The following RALYL variants were observed in gnomAD, a reference collection of about 807,000 sequenced individuals.
The protein encoded by RALYL is RNA-binding Raly-like protein.
In RALYL, 29 loss-of-function variants were observed where a neutral mutation model predicts 35.1. The observed-to-expected ratio is 0.83, with a 90% CI of 0.61 to 1.13. The LOEUF is 1.13. Among genes scored for constraint, RALYL ranks in the 50% most tolerant of loss-of-function variants. The pLI, the probability that RALYL is intolerant of heterozygous loss-of-function variation, is 0.00. For synonymous variants in RALYL, 120 were observed against 127.6 expected (o/e 0.94, Z 0.40); for missense variants, 359 against 360.4 (o/e 1.00, Z 0.03).
At chr8:84,351,847 C>T (rs965221747) in intron 1 of RALYL, among the ~76,000 whole-genome samples, 1 of 150,172 alleles carries the variant, frequency 6.7e-6, no homozygotes, top group African/African-American at 2.5e-5. Context: ...GGTATTTTGG[C>T]ATTTTTAATA....
intron 1 of RALYL, among the ~76,000 whole-genome samples, chr8:84,442,805 G>A (rs540961690): frequency 2.8e-4 from 42 of 152,226 alleles, no homozygotes; most frequent in African/African-American, 9.4e-4. Flanking sequence ...TGCTACAGAC[G>A]TACCAATCTA....
intron 1 of RALYL, among the ~76,000 whole-genome samples, chr8:84,401,401 GC>G (rs2042875972): frequency 1.3e-5 from 2 of 151,984 alleles, no homozygotes; most frequent in African/African-American, 4.8e-5. Context: ...ACTTTGGGAG[GC>G]CGAGGCGGGC....
chr8:84,518,212 AGC>A (rs1554704000), intron 1 of RALYL, among the ~76,000 whole-genome samples: 1 of 62,526 alleles, frequency 1.6e-5, no homozygotes, highest in Non-Finnish European at 3.9e-5. Context: ...GTAAGATCTT[AGC>A]AAACTTTAAC....
intron 1 of RALYL, among the ~76,000 whole-genome samples, chr8:84,377,559 G>T (rs1431356138): frequency 1.5e-4 from 18 of 124,038 alleles, no homozygotes; most frequent in African/African-American, 4.5e-4. Flanking sequence ...ATGCTTATTT[G>T]TTCTCTAGTA....
intron 2 of RALYL, among the ~76,000 whole-genome samples, chr8:84,729,084 A>G (rs948026870): frequency 4.6e-5 from 7 of 152,096 alleles, no homozygotes; most frequent in Non-Finnish European, 7.4e-5. Context: ...CATTTTCATG[A>G]TATTGATTCT....
chr8:84,746,402 T>G (rs1403696731), intron 2 of RALYL, among the ~76,000 whole-genome samples: 1 of 151,946 alleles, frequency 6.6e-6, no homozygotes, highest in Non-Finnish European at 1.5e-5. Context: ...TTCCTGAAAT[T>G]CTCAGATTCA....
chr8:84,218,315 C>T (rs1256136843), intron 1 of RALYL, among the ~76,000 whole-genome samples: 3 of 151,748 alleles, frequency 2.0e-5, no homozygotes, highest in African/African-American at 7.3e-5. Context: ...GAAATATTGC[C>T]CAAGTGATGT....
intron 2 of RALYL, among the ~76,000 whole-genome samples, chr8:84,722,773 T>C (rs1036079173): frequency 1.3e-5 from 2 of 149,918 alleles, no homozygotes; most frequent in African/African-American, 2.4e-5. Flanking sequence ...TACATATGGA[T>C]ACACATAACA....
rs544888169 is a variant in RALYL at position 84,310,786 on chromosome 8, G to A, written c.-24+126362G>A. On this transcript the variant is annotated intron_variant, in intron 1 of 8. Coordinates refer to ENST00000521268, the MANE Select transcript of RALYL (RefSeq NM_173848.7). ...TATTAGGCCGGGTGCGGTGGCTCAC[G>A]CCTGTAATCCCAGCACTTTGGGAGG... Among the ~76,000 whole-genome samples, 15 of 137,972 alleles carry A rather than the reference G, an allele frequency of 1.1e-4. No homozygotes were observed. The East Asian group carries it at 2.1e-3, about 20-fold the overall frequency. The allele number at this position is 137,972 out of a possible 152,430, so 90.5% of individuals were successfully genotyped here. A position where few individuals can be genotyped will look rare whatever the true frequency, so the allele number is the denominator to read the frequency against.
chr8:84,630,761 G>C (rs866379383), intron 2 of RALYL, among the ~76,000 whole-genome samples: 5 of 152,042 alleles, frequency 3.3e-5, no homozygotes, highest in Admixed American at 1.3e-4. Context: ...TTGGAGAGTA[G>C]GTACTCCATA....
At chr8:84,205,544 T>C (rs1817863847) in intron 1 of RALYL, among the ~76,000 whole-genome samples, 1 of 152,274 alleles carries the variant, frequency 6.6e-6, no homozygotes, top group East Asian at 1.9e-4. Flanking sequence ...TACTCGGAAG[T>C]TTTATCTTTT....
At chr8:84,725,676 G>A (rs1844817724) in intron 2 of RALYL, among the ~76,000 whole-genome samples, 1 of 151,554 alleles carries the variant, frequency 6.6e-6, no homozygotes, top group South Asian at 2.1e-4. Flanking sequence ...AGAAATATGA[G>A]TTATTAGTAA....
At chr8:84,296,350 TA>T (rs985366761) in intron 1 of RALYL, among the ~76,000 whole-genome samples, 5 of 152,086 alleles carry the variant, frequency 3.3e-5, no homozygotes, top group African/African-American at 1.2e-4. Context: ...AATTCAAGAC[TA>T]AAAGGTTCCC....
chr8:84,827,754 A>C (rs1027295274), intron 4 of RALYL, among the ~76,000 whole-genome samples: 3 of 152,056 alleles, frequency 2.0e-5, no homozygotes, highest in Non-Finnish European at 4.4e-5. Context: ...TGTTATTCAG[A>C]AGAGAGGCTT....
chr8:84,807,005 T>C (rs1472418572), intron 4 of RALYL, among the ~76,000 whole-genome samples: 1 of 152,106 alleles, frequency 6.6e-6, no homozygotes, highest in African/African-American at 2.4e-5. Flanking sequence ...AGTGAGACCC[T>C]GTCTCAAAAA....
chr8:84,314,380 TA>T (rs1239244392), intron 1 of RALYL, among the ~76,000 whole-genome samples: 2 of 151,362 alleles, frequency 1.3e-5, no homozygotes, highest in Non-Finnish European at 2.9e-5. Flanking sequence ...ATTGAGCAAA[TA>T]AAAAGAAGAG....
At chr8:84,534,712 A>T (rs566315744) in intron 2 of RALYL, among the ~76,000 whole-genome samples, 1 of 152,132 alleles carries the variant, frequency 6.6e-6, no homozygotes, top group Non-Finnish European at 1.5e-5. Flanking sequence ...AGAAGAGAAC[A>T]GGGAGAAGAA....
chr8:84,196,611 G>A lies in RALYL; in HGVS notation c.-24+12187G>A, dbSNP rs116290375. ...AACAGCACAGAACAGCCACATTTCA[G>A]GAGCTCACAGGCCAGTGGCTATCAC... is the stretch of plus-strand genomic sequence containing the variant. On this transcript the variant is annotated intron_variant, in intron 1 of 8. Transcript: ENST00000521268. Among the ~76,000 whole-genome samples the A allele has an allele frequency of 3.0e-3, 460 of 152,228 alleles. 3 individuals are homozygous for A. The highest frequency in any genetic ancestry group is 0.01 in the African/African-American group (434 of 41,526).
chr8:84,812,964 C>T (rs1826259792), intron 4 of RALYL, among the ~76,000 whole-genome samples: 1 of 152,298 alleles, frequency 6.6e-6, no homozygotes, highest in East Asian at 1.9e-4. Flanking sequence ...TTACAAAATT[C>T]AGCTGGAGAT....
Sources: gnomAD v4.1 joint callset for allele counts (sites outside exome capture counted in the v4.1 genomes callset) on GRCh38, gnomAD v4.1.1 for gene constraint, MANE v1.5 for transcripts, NCBI Gene and HGNC (gene_info 2026-07-23, HGNC 2026-07-21) for gene names.